RARB: variants seen among roughly 807,000 people sequenced by gnomAD.
The protein encoded by RARB is HBV-activated protein.
In RARB, 17 loss-of-function variants were observed where a neutral mutation model predicts 51.9. The observed-to-expected ratio is 0.33, with a 90% CI of 0.22 to 0.49. The LOEUF (loss-of-function observed/expected upper bound fraction) is 0.49, where lower values mean the gene tolerates loss of function less well. Among genes scored for constraint, RARB ranks in the 20% least tolerant of loss-of-function variants. The pLI, the probability that RARB is intolerant of heterozygous loss-of-function variation, is 0.99. For synonymous variants in RARB, 215 were observed against 195.4 expected (o/e 1.10, Z -0.84); for missense variants, 369 against 550.8 (o/e 0.67, Z 3.30).
chr3:25,184,059 C>A (rs1416684996), intron 5 of RARB, among the ~76,000 whole-genome samples: 2 of 152,056 alleles, frequency 1.3e-5, no homozygotes, highest in East Asian at 1.9e-4. Context: ...GTTAACTTGG[C>A]CCCTACCATT....
chr3:25,214,363 A>G (rs1701769520), intron 5 of RARB, among the ~76,000 whole-genome samples: 2 of 152,230 alleles, frequency 1.3e-5, no homozygotes. Flanking sequence ...AACTAGGAGC[A>G]CATTTCTAAC....
Position 25,272,460 on chromosome 3 carries a change from C to A in RARB, c.178+97885C>A, listed in dbSNP as rs9854131. On this transcript the variant is annotated intron_variant, in intron 5 of 11. Coordinates refer to the RARB transcript ENST00000383772. ...TCTGGATGGACCCGGACATGGTAGT[C>A]ATCTGAGGCAGGTGATGCCCTGCCT... Among the ~76,000 whole-genome samples the A allele has an allele frequency of 2.1e-3, 317 of 152,318 alleles. 1 individual carries two copies. Among genetic ancestry groups the A allele is most frequent in the African/African-American group, 5.8e-3 (242 of 41,556 alleles).
intron 3 of RARB, among the ~76,000 whole-genome samples, chr3:25,562,451 G>T (rs1436686091): frequency 6.6e-6 from 1 of 152,090 alleles, no homozygotes; most frequent in Non-Finnish European, 1.5e-5. Flanking sequence ...CCACAGACAC[G>T]TGTGCCTCTT....
chr3:25,418,199 T>C (rs1707761617), intron 5 of RARB, among the ~76,000 whole-genome samples: 1 of 152,144 alleles, frequency 6.6e-6, no homozygotes, highest in Non-Finnish European at 1.5e-5. Context: ...TAGAAACCTA[T>C]TGTAGGGGAA....
intron 5 of RARB, among the ~76,000 whole-genome samples, chr3:25,204,014 T>C (rs1701464006): frequency 6.6e-6 from 1 of 152,242 alleles, no homozygotes; most frequent in East Asian, 1.9e-4. Context: ...GATAATATCC[T>C]GCAGAGTGTT....
rs147153780 is a variant in RARB at position 25,022,539 on chromosome 3, A to G, written c.-379-37586A>G. Among the ~76,000 whole-genome samples the G allele has an allele frequency of 5.9e-3, 904 of 152,264 alleles. 11 individuals carry two copies. Among genetic ancestry groups the G allele is most frequent in the African/African-American group, 0.021 (856 of 41,562 alleles). ...CAAACTATTCCAAAGCGGCTGTATCATTTTGCATTTTTACTGGCAATGCAA... is the reference window on the plus strand; with the variant it reads ...CAAACTATTCCAAAGCGGCTGTATCGTTTTGCATTTTTACTGGCAATGCAA... On this transcript the variant is annotated intron_variant, in intron 2 of 11. Coordinates refer to the RARB transcript ENST00000383772.
rs188393858 is a variant in RARB at position 25,303,612 on chromosome 3, T to C, written c.178+129037T>C. Among the ~76,000 whole-genome samples the C allele has an allele frequency of 8.1e-4, 124 of 152,296 alleles. No homozygotes were observed. The Middle Eastern group carries it at 0.027, about 33-fold the overall frequency. Reference sequence around the variant, plus strand: ...CATTTGCCACATGGTTGAATCTTCATTGAGTAAAAATGAATTCTTTTCTGC... The same window carrying C: ...CATTTGCCACATGGTTGAATCTTCACTGAGTAAAAATGAATTCTTTTCTGC... On this transcript the variant is annotated intron_variant, in intron 5 of 11. Coordinates refer to the RARB transcript ENST00000383772.
chr3:25,485,970 G>A (rs1411686598), intron 2 of RARB, among the ~76,000 whole-genome samples: 1 of 152,192 alleles, frequency 6.6e-6, no homozygotes, highest in Admixed American at 6.5e-5. Context: ...CTTACATTGG[G>A]CTTTCACTGA....
intron 2 of RARB, among the ~76,000 whole-genome samples, chr3:25,026,489 C>T (rs781216644): frequency 6.6e-6 from 1 of 152,132 alleles, no homozygotes; most frequent in Non-Finnish European, 1.5e-5. Context: ...TTCCTGTGCA[C>T]GCACATCCCT....
At chr3:25,032,850 T>C (rs924924276) in intron 2 of RARB, among the ~76,000 whole-genome samples, 17 of 152,234 alleles carry the variant, frequency 1.1e-4, no homozygotes, top group African/African-American at 2.2e-4. Context: ...AAGGACTAGA[T>C]TGTGTTGTGG....
intron 5 of RARB, among the ~76,000 whole-genome samples, chr3:25,228,346 T>C (rs1267219904): frequency 6.6e-6 from 1 of 151,982 alleles, no homozygotes; most frequent in South Asian, 2.1e-4. Flanking sequence ...TATGTTATTT[T>C]CTCATGTCTG....
rs142634503 is a variant in RARB, at chr3:25,391,047, G to A, written c.179-70146G>A. Among the ~76,000 whole-genome samples the A allele has an allele frequency of 2.7e-3, 406 of 152,060 alleles. 2 individuals carry two copies. The highest frequency in any genetic ancestry group is 9.4e-3 in the African/African-American group (391 of 41,478). ...ATGTGAAATCTTTCATCCCTCACAC[G>A]CCCCAACCTTTCCCCCAGGTCCCCA... On this transcript the variant is annotated intron_variant, in intron 5 of 11. Coordinates refer to the RARB transcript ENST00000383772.
intron 2 of RARB, among the ~76,000 whole-genome samples, chr3:24,953,240 G>T (rs1054647087): frequency 6.6e-6 from 1 of 151,974 alleles, no homozygotes; most frequent in African/African-American, 2.4e-5. Flanking sequence ...TAGAACATTT[G>T]ATAAAAATCC....
At chr3:24,863,121 A>G (rs181653474) in intron 2 of RARB, among the ~76,000 whole-genome samples, 23 of 152,324 alleles carry the variant, frequency 1.5e-4, no homozygotes, top group Admixed American at 1.1e-3. Flanking sequence ...TGATGGGGTG[A>G]TGGCAGCCAT....
chr3:25,238,152 C>A (rs1007654276), intron 5 of RARB, among the ~76,000 whole-genome samples: 4 of 148,806 alleles, frequency 2.7e-5, no homozygotes, highest in Non-Finnish European at 4.4e-5. Flanking sequence ...CCTCCAGCGC[C>A]CCCCCACACA....
At chr3:25,155,569 C>G (rs1163896783) in intron 4 of RARB, among the ~76,000 whole-genome samples, 1 of 152,232 alleles carries the variant, frequency 6.6e-6, no homozygotes, top group South Asian at 2.1e-4. Context: ...ATCATTTGAT[C>G]CACTGAGGAG....
chr3:25,420,045 C>T (rs2125506263), intron 5 of RARB, among the ~76,000 whole-genome samples: 1 of 152,104 alleles, frequency 6.6e-6, no homozygotes, highest in Non-Finnish European at 1.5e-5. Flanking sequence ...GAGAGAAAAA[C>T]TATTTTTTTA....
At chr3:24,988,815 ATTATT>A (rs952293369) in intron 2 of RARB, among the ~76,000 whole-genome samples, 5 of 152,060 alleles carry the variant, frequency 3.3e-5, no homozygotes, top group African/African-American at 1.2e-4. Flanking sequence ...ATTATTTGTT[ATTATT>A]TTTATTTATT....
At chr3:24,938,951 T>C (rs1202803098) in intron 2 of RARB, among the ~76,000 whole-genome samples, 1 of 151,362 alleles carries the variant, frequency 6.6e-6, no homozygotes, top group Non-Finnish European at 1.5e-5. Flanking sequence ...TCACATTTTG[T>C]TCATTTGACT....
Sources: allele counts gnomAD v4.1 joint callset (sites outside exome capture counted in the v4.1 genomes callset), GRCh38; gene constraint gnomAD v4.1.1; transcripts MANE v1.5; gene names NCBI Gene and HGNC (gene_info 2026-07-23, HGNC 2026-07-21).